Variants in CGGBP1 observed in about 807,000 individuals in gnomAD.
CGGBP1 encodes CGG triplet repeat-binding protein 1.
Under a neutral mutation model 11.4 loss-of-function variants are expected in CGGBP1, and 4 were observed. That is an observed-to-expected ratio of 0.35 (90% confidence interval 0.17 to 0.80). The LOEUF (loss-of-function observed/expected upper bound fraction) is 0.80, where lower values mean the gene tolerates loss of function less well. Ranked by LOEUF, CGGBP1 falls within the 30% of genes least tolerant of loss-of-function variation. The pLI is 0.52. For synonymous variants in CGGBP1, 76 were observed against 74.1 expected (o/e 1.03, Z -0.13); for missense variants, 135 against 202.1 (o/e 0.67, Z 2.01).
intron 2 of CGGBP1, among the ~76,000 whole-genome samples, chr3:88,065,406 G>A (rs1707139793): frequency 6.6e-6 from 1 of 151,952 alleles, no homozygotes; most frequent in Non-Finnish European, 1.5e-5. Context: ...TATTATTAGG[G>A]GAGTTAGTAC....
chr3:88,074,461 C>T (rs1707689525), intron 2 of CGGBP1, among the ~76,000 whole-genome samples: 1 of 151,666 alleles, frequency 6.6e-6, no homozygotes, highest in South Asian at 2.1e-4. Context: ...CCTGCCTCAG[C>T]CTCCCAAGTA....
chr3:88,087,355 G>A (rs377367393), intron 2 of CGGBP1, among the ~76,000 whole-genome samples: 1 of 152,132 alleles, frequency 6.6e-6, no homozygotes, highest in African/African-American at 2.4e-5. Context: ...GATTACAGGC[G>A]TGAGCTACCA....
At chr3:88,131,265 C>T (rs540359947) in intron 2 of CGGBP1, among the ~76,000 whole-genome samples, 6 of 152,176 alleles carry the variant, frequency 3.9e-5, no homozygotes, top group Admixed American at 1.3e-4. Context: ...TCTTGTGTGA[C>T]CACTGTTGTA....
At chr3:88,091,432 AT>A (rs1247719927) in intron 2 of CGGBP1, among the ~76,000 whole-genome samples, 6 of 152,242 alleles carry the variant, frequency 3.9e-5, no homozygotes, top group Non-Finnish European at 5.9e-5. Flanking sequence ...AGGAAGAAGT[AT>A]TGCTGTTTCA....
Position 88,055,283 on chromosome 3 carries a change from T to C in CGGBP1, c.*190A>G, listed in dbSNP as rs1706515752. On this transcript the variant is annotated 3_prime_UTR_variant, in exon 4 of 4. Transcript: ENST00000482016. The surrounding 1 kb of genome is among the most constrained non-coding windows in gnomAD (Gnocchi z 4.2). ...TAAACCTAGGTTTTGCTTTATACCA[T>C]TGGTGACTAAAATTAACAATAAGTT... The C allele has an allele frequency of 6.2e-6, 3 of 482,936 alleles. No homozygotes were observed. The highest frequency in any genetic ancestry group is 7.6e-5 in the Admixed American group (2 of 26,214). 29.9% of individuals were successfully genotyped at this position (482,936 alleles called of 1,614,324 possible). A position where few individuals can be genotyped will look rare whatever the true frequency, so the allele number is the denominator to read the frequency against.
intron 2 of CGGBP1, among the ~76,000 whole-genome samples, chr3:88,131,882 C>G (rs1435757175): frequency 6.6e-6 from 1 of 151,892 alleles, no homozygotes; most frequent in African/African-American, 2.4e-5. Flanking sequence ...TCTGTTTCAT[C>G]CTGGCCTAGC....
At chr3:88,109,140 C>CGTGTG (rs1156765246) in intron 2 of CGGBP1, among the ~76,000 whole-genome samples, 1 of 76,074 alleles carries the variant, frequency 1.3e-5, no homozygotes, top group Non-Finnish European at 3.1e-5. Flanking sequence ...TAAGTGGGCA[C>CGTGTG]TAGTGTGTGT....
chr3:88,054,018 T>G lies in CGGBP1; in HGVS notation c.*1455A>C, dbSNP rs1559677277. ...GAAACTTAAGTCTGTAAAAAAATCTTAAGACATGGAAAGCTGTTACTGAAA... is the reference window on the plus strand; with the variant it reads ...GAAACTTAAGTCTGTAAAAAAATCTGAAGACATGGAAAGCTGTTACTGAAA... On this transcript the variant is annotated 3_prime_UTR_variant, in exon 4 of 4. Transcript: ENST00000482016. The G allele has an allele frequency of 1.3e-5, 2 of 152,606 alleles. No individual in the cohort carries two copies. The highest frequency in any genetic ancestry group is 1.3e-4 in the Admixed American group (2 of 15,274). 9.5% of individuals were successfully genotyped at this position (152,606 alleles called of 1,614,324 possible).
At chr3:88,135,970 A>G (rs761900942) in intron 2 of CGGBP1, among the ~76,000 whole-genome samples, 1 of 152,110 alleles carries the variant, frequency 6.6e-6, no homozygotes, top group Non-Finnish European at 1.5e-5. Flanking sequence ...ATTCATTATC[A>G]CATCACTCAT....
At chr3:88,121,642 T>G (rs921857847) in intron 2 of CGGBP1, among the ~76,000 whole-genome samples, 2 of 152,220 alleles carry the variant, frequency 1.3e-5, no homozygotes, top group African/African-American at 4.8e-5. Flanking sequence ...TTAAATTTTA[T>G]AACTTTATGA....
At chr3:88,130,582 C>T (rs1481257234) in intron 2 of CGGBP1, among the ~76,000 whole-genome samples, 2 of 150,088 alleles carry the variant, frequency 1.3e-5, no homozygotes, top group East Asian at 3.9e-4. Context: ...TCCTCAGTAG[C>T]TGGGACTACA....
intron 2 of CGGBP1, among the ~76,000 whole-genome samples, chr3:88,114,922 C>T (rs1197718533): frequency 6.6e-6 from 1 of 152,208 alleles, no homozygotes; most frequent in Non-Finnish European, 1.5e-5. Context: ...AATTCAGTGA[C>T]AACCCCAAAT....
At chr3:88,097,670 TAAG>T (rs1704142457) in intron 2 of CGGBP1, among the ~76,000 whole-genome samples, 1 of 151,388 alleles carries the variant, frequency 6.6e-6, no homozygotes, top group Non-Finnish European at 1.5e-5. Context: ...AACTCAGGAT[TAAG>T]AAACTCACTC....
intron 2 of CGGBP1, among the ~76,000 whole-genome samples, chr3:88,074,089 T>G (rs1050885087): frequency 3.9e-5 from 6 of 152,186 alleles, no homozygotes; most frequent in African/African-American, 1.4e-4. Flanking sequence ...TCTACCAGAT[T>G]TGATCATTTG....
At chr3:88,126,369 A>C in intron 2 of CGGBP1, 1 of 1,186,322 alleles carries the variant, frequency 8.4e-7, no homozygotes. Flanking sequence ...TCATTTTATA[A>C]TACTGAATAA....
chr3:88,148,366 G>T (rs1707346272), intron 1 of CGGBP1, among the ~76,000 whole-genome samples: 1 of 152,140 alleles, frequency 6.6e-6, no homozygotes, highest in Admixed American at 6.5e-5. Context: ...AAATAAGTTG[G>T]ACATGCCCTC....
At chr3:88,131,527 A>G (rs1706464767) in intron 2 of CGGBP1, among the ~76,000 whole-genome samples, 1 of 152,170 alleles carries the variant, frequency 6.6e-6, no homozygotes, top group Admixed American at 6.5e-5. Context: ...AAACACACAC[A>G]CAAACCCAGA....
At chr3:88,107,274 A>AT (rs1183764667) in intron 2 of CGGBP1, among the ~76,000 whole-genome samples, 1 of 152,162 alleles carries the variant, frequency 6.6e-6, no homozygotes, top group Non-Finnish European at 1.5e-5. Flanking sequence ...TTTTTGCTGT[A>AT]TTTTTAAAGC....
At chr3:88,101,926 T>C (rs183531287) in intron 2 of CGGBP1, among the ~76,000 whole-genome samples, 70 of 152,316 alleles carry the variant, frequency 4.6e-4, no homozygotes, top group African/African-American at 1.5e-3. Flanking sequence ...AAGCATCTTT[T>C]TGTATGCTTT....
Sources: gnomAD v4.1 joint callset for allele counts (sites outside exome capture counted in the v4.1 genomes callset) on GRCh38, gnomAD v4.1.1 for gene constraint, Gnocchi (gnomAD v3.1) non-coding constraint, MANE v1.5 for transcripts, NCBI Gene and HGNC (gene_info 2026-07-23, HGNC 2026-07-21) for gene names.